CADPS: variants seen among roughly 807,000 people sequenced by gnomAD.
The protein encoded by CADPS is calcium-dependent secretion activator 1.
Under a neutral mutation model 167.3 loss-of-function variants are expected in CADPS, and 57 were observed. The observed-to-expected ratio is 0.34, with a 90% CI of 0.28 to 0.42. The LOEUF is 0.42. Among genes scored for constraint, CADPS ranks in the 20% least tolerant of loss-of-function variants. CADPS has a pLI of 1.00. For synonymous variants in CADPS, 676 were observed against 635.3 expected (o/e 1.06, Z -0.96); for missense variants, 1,414 against 1,738.1 (o/e 0.81, Z 3.32).
chr3:62,531,720 G>C (rs1189347538), intron 13 of CADPS, among the ~76,000 whole-genome samples: 2 of 152,156 alleles, frequency 1.3e-5, no homozygotes, highest in Non-Finnish European at 2.9e-5. Flanking sequence ...TTCACTGGCT[G>C]TTGGTTGGGG....
At chr3:62,459,030 G>C (rs1576344737) in intron 26 of CADPS, among the ~76,000 whole-genome samples, 1 of 152,154 alleles carries the variant, frequency 6.6e-6, no homozygotes, top group Non-Finnish European at 1.5e-5. Flanking sequence ...GGATGTCCTA[G>C]TAGGCAATAA....
Position 62,491,557 on chromosome 3 carries a change from AAACAC to A in CADPS, c.2885-82_2885-78del, listed in dbSNP as rs1561169297. The A allele has an allele frequency of 6.7e-4, 607 of 911,332 alleles. 1 individual carries two copies. In the African/African-American group the frequency reaches 8.5e-3, roughly 13 times the overall value. The allele number at this position is 911,332 out of a possible 1,614,324, so 56.5% of individuals were successfully genotyped here. The stretch of plus-strand genomic sequence containing the variant: ...GTACAACACACACACACACACACAC[AAACAC>A]ACACACACACACACACACACACAGA... On this transcript the variant is annotated intron_variant, in intron 20 of 29. Coordinates refer to ENST00000383710, the MANE Select transcript of CADPS (RefSeq NM_003716.4).
At chr3:62,496,547 A>G (rs1576830899) in intron 18 of CADPS, among the ~76,000 whole-genome samples, 1 of 152,218 alleles carries the variant, frequency 6.6e-6, no homozygotes, top group Non-Finnish European at 1.5e-5. Context: ...TTTGTTCCTC[A>G]TAACAAAAGA....
At chr3:62,552,170 T>A (rs561702194) in intron 10 of CADPS, among the ~76,000 whole-genome samples, 4 of 136,698 alleles carry the variant, frequency 2.9e-5, no homozygotes, top group African/African-American at 1.1e-4. Context: ...TAGGTGGGAA[T>A]TGAACAATGA....
chr3:62,489,210 G>C (rs143596665), intron 21 of CADPS, among the ~76,000 whole-genome samples: 12 of 152,152 alleles, frequency 7.9e-5, no homozygotes, highest in African/African-American at 2.6e-4. Flanking sequence ...ACCCAGGCTG[G>C]AGTGCAGTGG....
At chr3:62,453,850 T>C (rs536184622) in intron 26 of CADPS, among the ~76,000 whole-genome samples, 7 of 152,346 alleles carry the variant, frequency 4.6e-5, no homozygotes, top group African/African-American at 1.4e-4. Context: ...ACGTCAGTAC[T>C]GTGCTGGGCC....
chr3:62,685,401 A>T (rs1345854953), intron 3 of CADPS, among the ~76,000 whole-genome samples: 1 of 151,944 alleles, frequency 6.6e-6, no homozygotes, highest in Non-Finnish European at 1.5e-5. Context: ...TGAAGTATAA[A>T]CGTGCCATAT....
chr3:62,490,613 T>G (rs907395557), intron 21 of CADPS, among the ~76,000 whole-genome samples: 3 of 152,236 alleles, frequency 2.0e-5, no homozygotes, highest in Admixed American at 2.0e-4. Context: ...GCAGGGTATA[T>G]GTCCCATTTT....
intron 3 of CADPS, among the ~76,000 whole-genome samples, chr3:62,670,252 T>C (rs1222076039): frequency 2.6e-5 from 4 of 152,130 alleles, no homozygotes; most frequent in Non-Finnish European, 5.9e-5. Flanking sequence ...GAAGAGACTC[T>C]GATGAAATCT....
intron 5 of CADPS, 55 bp downstream of exon 5, chr3:62,650,792 C>A: frequency 7.7e-7 from 1 of 1,303,320 alleles, no homozygotes; most frequent in South Asian, 1.2e-5. Flanking sequence ...CGCATCTAAT[C>A]GCCCATGTCC....
chr3:62,749,862 C>T (rs1448151303), intron 3 of CADPS, among the ~76,000 whole-genome samples: 4 of 152,194 alleles, frequency 2.6e-5, no homozygotes, highest in Non-Finnish European at 1.5e-5. Context: ...CCACCAGCCT[C>T]AGTGCGTCAG....
At chr3:62,799,710 T>C (rs897559486) in intron 1 of CADPS, among the ~76,000 whole-genome samples, 1 of 152,148 alleles carries the variant, frequency 6.6e-6, no homozygotes, top group Admixed American at 6.6e-5. Context: ...ATTTGGGGTT[T>C]ATAATGGGGT....
chr3:62,528,737 G>A (rs1196068645), intron 13 of CADPS, among the ~76,000 whole-genome samples: 2 of 152,222 alleles, frequency 1.3e-5, no homozygotes, highest in Non-Finnish European at 2.9e-5. Flanking sequence ...TCCTGATGTA[G>A]TGCAAAAGGA....
intron 5 of CADPS, among the ~76,000 whole-genome samples, chr3:62,650,300 T>G (rs1310911913): frequency 6.6e-6 from 1 of 152,176 alleles, no homozygotes; most frequent in East Asian, 1.9e-4. Context: ...CTCCTTAGAT[T>G]ATATACATAT....
chr3:62,519,762 G>C (rs559930149), intron 13 of CADPS, among the ~76,000 whole-genome samples: 1 of 152,068 alleles, frequency 6.6e-6, no homozygotes, highest in South Asian at 2.1e-4. Flanking sequence ...TGGGATTATG[G>C]GTGCAAGCTA....
intron 1 of CADPS, among the ~76,000 whole-genome samples, chr3:62,794,209 T>C (rs1473078213): frequency 6.6e-6 from 1 of 152,208 alleles, no homozygotes; most frequent in Non-Finnish European, 1.5e-5. Flanking sequence ...TGGCACATGA[T>C]ATAAAGCCTC....
intron 9 of CADPS, among the ~76,000 whole-genome samples, chr3:62,566,318 T>C (rs887755263): frequency 5.3e-5 from 8 of 152,222 alleles, no homozygotes; most frequent in South Asian, 2.1e-4. Context: ...AAGTAAGGGT[T>C]TGGTGGCTAA....
At chr3:62,670,016 C>T (rs2075226589) in intron 3 of CADPS, among the ~76,000 whole-genome samples, 1 of 152,040 alleles carries the variant, frequency 6.6e-6, no homozygotes, top group African/African-American at 2.4e-5. Flanking sequence ...GGGAATAATC[C>T]TTAGGAAAAA....
At chr3:62,822,893 G>A (rs186859351) in intron 1 of CADPS, among the ~76,000 whole-genome samples, 392 of 151,932 alleles carry the variant, frequency 2.6e-3, no homozygotes, top group Non-Finnish European at 4.9e-3. Context: ...AAAGAGACAC[G>A]TCTTGGCTGA....
Sources: gnomAD v4.1 joint callset for allele counts (sites outside exome capture counted in the v4.1 genomes callset) on GRCh38, gnomAD v4.1.1 for gene constraint, MANE v1.5 for transcripts, NCBI Gene and HGNC (gene_info 2026-07-23, HGNC 2026-07-21) for gene names.